Variants in ST3GAL5 observed in about 807,000 individuals in gnomAD.
ST3GAL5 encodes ST3 beta-galactoside alpha-2,3-sialyltransferase 5.
ST3GAL5 carries 25 observed loss-of-function variants against 46.1 expected under a neutral mutation model. The ratio of observed to expected loss-of-function variants is 0.54; its 90% CI spans 0.40 to 0.76. ST3GAL5 has a LOEUF of 0.76. Ranked by LOEUF, ST3GAL5 falls within the 30% of genes least tolerant of loss-of-function variation. The pLI, the probability that ST3GAL5 is intolerant of heterozygous loss-of-function variation, is 0.00. For missense variants in ST3GAL5, 431 were observed against 521.2 expected (o/e 0.83, Z 1.69); for synonymous variants, 182 against 192.7 (o/e 0.94, Z 0.46).
intron 1 of ST3GAL5, among the ~76,000 whole-genome samples, chr2:85,881,658 G>A (rs894750987): frequency 6.6e-6 from 1 of 152,108 alleles, no homozygotes; most frequent in Non-Finnish European, 1.5e-5. Context: ...GATGATTTAG[G>A]GTATCTGGTG....
intron 1 of ST3GAL5, among the ~76,000 whole-genome samples, chr2:85,871,277 A>G (rs1455108983): frequency 6.6e-6 from 1 of 152,164 alleles, no homozygotes; most frequent in African/African-American, 2.4e-5. Context: ...TGTGTTGGGA[A>G]TATTTCAAAT....
At chr2:85,853,847 T>C (rs531582536) in intron 3 of ST3GAL5, 1 of 152,354 alleles carries the variant, frequency 6.6e-6, no homozygotes, top group East Asian at 1.9e-4. Flanking sequence ...CCTGCACTTC[T>C]GCACAAACCA....
chr2:85,863,233 T>C, intron 2 of ST3GAL5, 129 bp downstream of exon 2: 4 of 1,552,080 alleles, frequency 2.6e-6, no homozygotes, highest in Non-Finnish European at 3.5e-6. Flanking sequence ...TTTGAATGTC[T>C]GAGGCATCCT....
rs545741018 is a variant in ST3GAL5 at position 85,865,941 on chromosome 2, A to G, written c.83-2456T>C. On this transcript the variant is annotated intron_variant, in intron 1 of 6. Coordinates refer to ENST00000638572, the MANE Select transcript of ST3GAL5 (RefSeq NM_003896.4). ...ATCTTTCTTTTCCCCTGACTTGGTGAAGCTTTGGATAGCAGTAGTAGCAGG... is the reference window on the plus strand; with the variant it reads ...ATCTTTCTTTTCCCCTGACTTGGTGGAGCTTTGGATAGCAGTAGTAGCAGG... The G allele has an allele frequency of 3.3e-5, 5 of 152,362 alleles. No homozygotes were observed. The East Asian group carries it at 9.6e-4, about 29-fold the overall frequency. 9.4% of individuals were successfully genotyped at this position (152,362 alleles called of 1,614,324 possible).
rs547570192 is a variant in ST3GAL5 at position 85,848,643 on chromosome 2, G to A, written c.319-439C>T. 277 of 329,170 alleles carry A rather than the reference G, an allele frequency of 8.4e-4. 3 individuals carry two copies. Among genetic ancestry groups the A allele is most frequent in the South Asian group, 6.9e-3 (265 of 38,350 alleles). 20.4% of individuals were successfully genotyped at this position (329,170 alleles called of 1,614,324 possible). On this transcript the variant is annotated intron_variant, in intron 3 of 6. Transcript: ENST00000638572. Reference sequence around the variant, plus strand: ...ATACTGTATGACCTGACTTATATGAGGTATCTAAAGTAGTCAAATTCATAA... The same window carrying A: ...ATACTGTATGACCTGACTTATATGAAGTATCTAAAGTAGTCAAATTCATAA...
intron 3 of ST3GAL5, chr2:85,855,688 A>G (rs956612720): frequency 6.6e-6 from 1 of 152,244 alleles, no homozygotes; most frequent in Admixed American, 6.5e-5. Flanking sequence ...ATACTTGGAA[A>G]TCACATACCA....
At chr2:85,875,088 C>A (rs970182456) in intron 1 of ST3GAL5, among the ~76,000 whole-genome samples, 1 of 152,152 alleles carries the variant, frequency 6.6e-6, no homozygotes, top group Non-Finnish European at 1.5e-5. Flanking sequence ...GAGACAAGGT[C>A]TCGCTCTGTC....
At chr2:85,853,797 C>G (rs551939745) in intron 3 of ST3GAL5, 1 of 152,290 alleles carries the variant, frequency 6.6e-6, no homozygotes, top group African/African-American at 2.4e-5. Flanking sequence ...CAGTGATAGG[C>G]AACTCTTGCC....
At chr2:85,888,992 G>A, upstream of ST3GAL5, 2 of 1,058,450 alleles carry the variant, frequency 1.9e-6, no homozygotes, top group Non-Finnish European at 2.4e-6. Flanking sequence ...CATTCAGCTG[G>A]GGGCCGCCGC....
intron 1 of ST3GAL5, among the ~76,000 whole-genome samples, chr2:85,872,540 G>T (rs1440835870): frequency 2.0e-5 from 3 of 151,104 alleles, no homozygotes; most frequent in African/African-American, 7.3e-5. Flanking sequence ...CCGAGATTGT[G>T]CCACTGCACT....
chr2:85,863,276 C>T, intron 2 of ST3GAL5, 86 bp downstream of exon 2: 2 of 1,608,482 alleles, frequency 1.2e-6, no homozygotes, highest in African/African-American at 1.3e-5. Context: ...CATTAGCCAT[C>T]TTGAGGGCTC....
intron 1 of ST3GAL5, among the ~76,000 whole-genome samples, chr2:85,868,209 G>A (rs921256083): frequency 2.0e-5 from 3 of 152,352 alleles, no homozygotes; most frequent in East Asian, 1.9e-4. Context: ...GTGAAAAGGT[G>A]GCAGTTGAAG....
chr2:85,862,579 G>A (rs1684843152), intron 2 of ST3GAL5, among the ~76,000 whole-genome samples: 1 of 152,154 alleles, frequency 6.6e-6, no homozygotes. Flanking sequence ...AATTCCTGGA[G>A]CGAGTCCACC....
At chr2:85,869,819 C>T (rs985861710) in intron 1 of ST3GAL5, among the ~76,000 whole-genome samples, 4 of 152,122 alleles carry the variant, frequency 2.6e-5, no homozygotes, top group Non-Finnish European at 4.4e-5. Context: ...CAAAGGATGA[C>T]AGAGGCCCCT....
chr2:85,840,963 AAAAG>A (rs1665243351), intron 6 of ST3GAL5, among the ~76,000 whole-genome samples: 2 of 150,328 alleles, frequency 1.3e-5, no homozygotes, highest in African/African-American at 4.9e-5. Context: ...AAAAAAAAAA[AAAAG>A]GCATTCCTTC....
intron 1 of ST3GAL5, among the ~76,000 whole-genome samples, chr2:85,865,679 C>T (rs1685212693): frequency 6.6e-6 from 1 of 152,168 alleles, no homozygotes; most frequent in South Asian, 2.1e-4. Flanking sequence ...TGGAATGATA[C>T]TCAGTTCACA....
chr2:85,870,241 C>A, intron 1 of ST3GAL5: 1 of 470,730 alleles, frequency 2.1e-6, no homozygotes, highest in Non-Finnish European at 4.4e-6. Context: ...GCTTTGCACA[C>A]CACTGTCTTC....
chr2:85,877,663 A>C (rs780216990), intron 1 of ST3GAL5, among the ~76,000 whole-genome samples: 20 of 152,188 alleles, frequency 1.3e-4, no homozygotes, highest in Non-Finnish European at 2.2e-4. Context: ...ATACTTACAG[A>C]CTAAGTAAAT....
At chr2:85,882,616 G>A (rs1479763008) in intron 1 of ST3GAL5, among the ~76,000 whole-genome samples, 3 of 151,980 alleles carry the variant, frequency 2.0e-5, no homozygotes, top group Non-Finnish European at 4.4e-5. Context: ...ATCACTTGAG[G>A]TCAGGAGTTC....
Sources: allele counts gnomAD v4.1 joint callset (sites outside exome capture counted in the v4.1 genomes callset), GRCh38; gene constraint gnomAD v4.1.1; transcripts MANE v1.5; gene names NCBI Gene and HGNC (gene_info 2026-07-23, HGNC 2026-07-21).